Variants in RABEP1 observed in about 807,000 individuals in gnomAD.
RABEP1 encodes the protein rab GTPase-binding effector protein 1.
A neutral mutation model predicts 123.4 loss-of-function variants in RABEP1; 51 were observed. The ratio of observed to expected loss-of-function variants is 0.41; its 90% CI spans 0.33 to 0.52. RABEP1 has a LOEUF of 0.52. Ranked by LOEUF, RABEP1 falls within the 20% of genes least tolerant of loss-of-function variation. The probability of loss-of-function intolerance (pLI) is 0.16; values close to 1 mark genes in which losing one functional copy is unlikely to be tolerated. For missense variants in RABEP1, 888 were observed against 996.3 expected, an observed-to-expected ratio of 0.89 and a Z score of 1.46; for synonymous variants, 347 against 355.2, an observed-to-expected ratio of 0.98 and a Z score of 0.26.
At chr17:5,381,689 ATTTT>A (rs869198774) in intron 17 of RABEP1, 184 bp downstream of exon 17, 1 of 1,062,522 alleles carries the variant, frequency 9.4e-7, no homozygotes, top group Admixed American at 3.6e-5. Context: ...CACTTGGCCC[ATTTT>A]TCTTTTTCTG....
At chr17:5,372,369 G>A (rs959563637) in intron 12 of RABEP1, among the ~76,000 whole-genome samples, 2 of 152,000 alleles carry the variant, frequency 1.3e-5, no homozygotes, top group Non-Finnish European at 2.9e-5. Context: ...CACTTGAACC[G>A]GGACTCGGGA....
intron 11 of RABEP1, among the ~76,000 whole-genome samples, chr17:5,367,960 C>T (rs1417548084): frequency 6.7e-6 from 1 of 148,462 alleles, no homozygotes; most frequent in Non-Finnish European, 1.5e-5. Flanking sequence ...TTTTACCATG[C>T]AGGCCAGGCT....
intron 2 of RABEP1, among the ~76,000 whole-genome samples, chr17:5,329,565 CT>C (rs1199612186): frequency 7.2e-5 from 11 of 152,022 alleles, no homozygotes; most frequent in Non-Finnish European, 1.5e-5. Context: ...ATCTTAATAC[CT>C]TTTGAGTCTT....
At chr17:5,313,099 G>C (rs1567875744) in intron 2 of RABEP1, among the ~76,000 whole-genome samples, 1 of 152,162 alleles carries the variant, frequency 6.6e-6, no homozygotes, top group Non-Finnish European at 1.5e-5. Context: ...GACAGAGCGA[G>C]ACTCTGTCTC....
chr17:5,310,647 T>C (rs562933899), intron 2 of RABEP1, among the ~76,000 whole-genome samples: 3 of 152,088 alleles, frequency 2.0e-5, no homozygotes, highest in African/African-American at 7.2e-5. Flanking sequence ...AATGAAAATA[T>C]CAGTGATTTA....
chr17:5,352,337 C>T (rs934559564), intron 7 of RABEP1, among the ~76,000 whole-genome samples: 3 of 151,740 alleles, frequency 2.0e-5, no homozygotes, highest in Admixed American at 6.6e-5. Flanking sequence ...GGACTACAGG[C>T]GTGTGCCACC....
In RABEP1 at chr17:5,383,370, CTG is replaced by C. The variant is rs1178033412; in HGVS notation, c.*150_*151del. On this transcript the variant is annotated 3_prime_UTR_variant, in exon 18 of 18. Transcript: ENST00000537505. ...AATGCTTACTTCTAGAGGGAGAAGA[CTG>C]TGCGGCACAGGAAACAGCAAACAGT... 1.0e-5 allele frequency: 7 copies of C among 674,112 alleles called. No individual in the cohort carries two copies. The East Asian group carries it at 1.9e-4, about 19-fold the overall frequency. 41.8% of individuals were successfully genotyped at this position (674,112 alleles called of 1,614,324 possible).
In RABEP1 at chr17:5,385,404, TA is replaced by T. The variant is rs1428808745; in HGVS notation, c.*2182del. 4 of 230,126 alleles carry T rather than the reference TA, an allele frequency of 1.7e-5. No homozygotes were observed. Among genetic ancestry groups the T allele is most frequent in the Non-Finnish European group, 3.4e-5 (4 of 116,362 alleles). 14.3% of individuals were successfully genotyped at this position (230,126 alleles called of 1,614,324 possible). On this transcript the variant is annotated 3_prime_UTR_variant, in exon 18 of 18. Transcript: ENST00000537505. ...TGCATGTCTAACCTGATTTACCTCT[TA>T]CCTGTAACCTACCTTATCATGTGGC...
At chr17:5,344,806 G>A (rs773294888) in intron 5 of RABEP1, among the ~76,000 whole-genome samples, 10 of 142,188 alleles carry the variant, frequency 7.0e-5, no homozygotes, top group Admixed American at 1.4e-4. Flanking sequence ...GGAAAAACAG[G>A]TAAAGTATAG....
Position 5,378,316 on chromosome 17 carries a change from A to C in RABEP1, c.2271+84A>C, listed in dbSNP as rs559871373. ...ACTATGCTGCACCCAACGAATAAAA[A>C]ATAGTTAAGGCATGGGCCCTGCCTT... is the stretch of plus-strand genomic sequence containing the variant. On this transcript the variant is annotated intron_variant, in intron 15 of 17. Transcript: ENST00000537505. 15 of 1,324,180 alleles carry C rather than the reference A, an allele frequency of 1.1e-5. No homozygotes were observed. In the African/African-American group the frequency reaches 1.9e-4, roughly 17 times the overall value. The allele number at this position is 1,324,180 out of a possible 1,614,324, so 82.0% of individuals were successfully genotyped here.
intron 1 of RABEP1, among the ~76,000 whole-genome samples, chr17:5,304,814 T>C (rs2075166158): frequency 6.6e-6 from 1 of 152,186 alleles, no homozygotes; most frequent in Non-Finnish European, 1.5e-5. Context: ...GGGAAGGATA[T>C]GAGCTGGAAG....
chr17:5,300,377 G>A (rs1048092158), intron 1 of RABEP1, among the ~76,000 whole-genome samples: 29 of 152,280 alleles, frequency 1.9e-4, no homozygotes, highest in African/African-American at 6.3e-4. Context: ...CTGACATAGC[G>A]TCTTGGGAGG....
At chr17:5,326,911 G>C (rs1339152509) in intron 2 of RABEP1, among the ~76,000 whole-genome samples, 1 of 152,216 alleles carries the variant, frequency 6.6e-6, no homozygotes, top group African/African-American at 2.4e-5. Context: ...GGAATGTACT[G>C]ACAAAAACCT....
chr17:5,311,323 T>G (rs1485917173), intron 2 of RABEP1, among the ~76,000 whole-genome samples: 2 of 152,158 alleles, frequency 1.3e-5, no homozygotes, highest in African/African-American at 4.8e-5. Context: ...AATATGCATA[T>G]AAATGTTTTC....
At chr17:5,320,931 A>G (rs1567520011) in intron 2 of RABEP1, among the ~76,000 whole-genome samples, 1 of 152,240 alleles carries the variant, frequency 6.6e-6, no homozygotes, top group African/African-American at 2.4e-5. Context: ...AACAACACTG[A>G]ATGTATATGG....
At position 5,368,352 on chromosome 17, in the gene RABEP1, A is replaced by T. The variant is rs781320761; in HGVS notation, c.1786-18A>T. On this transcript the variant is annotated intron_variant, in intron 11 of 17. Coordinates refer to ENST00000537505, the MANE Select transcript of RABEP1 (RefSeq NM_004703.6). ...ACCGATTTCCTAACTATGTTTCTAT[A>T]CATGTGTTTTTTTAAAGATCTCTGC... The T allele has an allele frequency of 2.6e-6, 4 of 1,523,684 alleles. No homozygotes were observed. The highest frequency in any genetic ancestry group is 3.6e-6 in the Non-Finnish European group (4 of 1,102,734). 94.4% of individuals were successfully genotyped at this position (1,523,684 alleles called of 1,614,324 possible). A position where few individuals can be genotyped will look rare whatever the true frequency, so the allele number is the denominator to read the frequency against.
intron 2 of RABEP1, among the ~76,000 whole-genome samples, chr17:5,312,350 C>T (rs555667889): frequency 1.4e-3 from 214 of 152,274 alleles, no homozygotes; most frequent in African/African-American, 5.1e-3. Context: ...AGGGTTTCAC[C>T]CTGTTGGCCA....
chr17:5,338,897 C>T (rs1475984911), intron 5 of RABEP1, among the ~76,000 whole-genome samples: 1 of 152,112 alleles, frequency 6.6e-6, no homozygotes, highest in Non-Finnish European at 1.5e-5. Context: ...TGGCTCACAC[C>T]TGTAATCCCA....
rs1911648269 is a variant in RABEP1, at chr17:5,383,251, A to G, written c.*28A>G. On this transcript the variant is annotated 3_prime_UTR_variant, in exon 18 of 18. Transcript: ENST00000537505. ...CCCTCATGGCAGGATTCTAGCCTGCACTTTGGGTTTTTAACTCATCTTTAG... is the reference window on the plus strand; with the variant it reads ...CCCTCATGGCAGGATTCTAGCCTGCGCTTTGGGTTTTTAACTCATCTTTAG... 1 of 1,579,118 alleles carries G rather than the reference A, an allele frequency of 6.3e-7. No homozygotes were observed. Among genetic ancestry groups the G allele is most frequent in the Non-Finnish European group, 8.7e-7 (1 of 1,148,346 alleles).
Sources: allele counts gnomAD v4.1 joint callset (sites outside exome capture counted in the v4.1 genomes callset), GRCh38; gene constraint gnomAD v4.1.1; transcripts MANE v1.5; gene names NCBI Gene and HGNC (gene_info 2026-07-23, HGNC 2026-07-21).